The following RAD52 variants were observed in gnomAD, a reference collection of about 807,000 sequenced individuals.
RAD52 encodes the protein RAD52 DNA repair protein.
Under a neutral mutation model 55.5 loss-of-function variants are expected in RAD52, and 47 were observed. That is an observed-to-expected ratio of 0.85 (90% CI 0.67 to 1.08). The LOEUF is 1.08. Ranked by LOEUF, RAD52 falls within the 50% of genes least tolerant of loss-of-function variation. RAD52 has a pLI of 0.00. For missense variants in RAD52, 468 were observed against 522.8 expected, an observed-to-expected ratio of 0.90 and a Z score of 1.02; for synonymous variants, 184 against 198.9, an observed-to-expected ratio of 0.92 and a Z score of 0.63.
At position 965,594 on chromosome 12, in the gene RAD52, C is replaced by A. The variant is rs1958749689; in HGVS notation, c.-19+24215G>T. ...TGCCCTGATAAGAGACTGTATTTCCCTACTTTCCTTATATTTACATTTGAA... is the reference window on the plus strand; with the variant it reads ...TGCCCTGATAAGAGACTGTATTTCCATACTTTCCTTATATTTACATTTGAA... On this transcript the variant is annotated intron_variant, in intron 1 of 11. Coordinates refer to the RAD52 transcript ENST00000430095. Among the ~76,000 whole-genome samples, 5 of 152,004 alleles carry A rather than the reference C, an allele frequency of 3.3e-5. No individual in the cohort carries two copies. In the South Asian group the frequency reaches 1.0e-3, roughly 31 times the overall value.
Position 916,784 on chromosome 12 carries a change from G to C in RAD52, c.580C>G (p.Gln194Glu). The C allele has an allele frequency of 1.2e-6, 2 of 1,612,948 alleles. No individual in the cohort carries two copies. Among genetic ancestry groups the C allele is most frequent in the South Asian group, 1.1e-5 (1 of 91,062 alleles). Reference protein sequence around the residue: ...LEVDLTKAKRQDLEPSVEEAR... With the variant: ...LEVDLTKAKREDLEPSVEEAR... ...TCCTCCACAGACGGTTCAAGATCTT[G>C]TCTCTTCGCTTTAGTTAAATCCACT... The change falls in exon 8 of 12, where the codon CAA becomes GAA. Residue 194 changes from glutamine (Q) to glutamate (E), a missense_variant. Physicochemically the swap from Gln to Glu is conservative, Grantham distance 29. Transcript: ENST00000358495.
At chr12:917,203 C>T (rs1956441888) in intron 7 of RAD52, among the ~76,000 whole-genome samples, 2 of 152,222 alleles carry the variant, frequency 1.3e-5, no homozygotes, top group South Asian at 2.1e-4. Flanking sequence ...AAATCGCGCT[C>T]GTCACTGAGG....
chr12:977,060 G>GAAT (rs1958943636), intron 1 of RAD52: 1 of 152,368 alleles, frequency 6.6e-6, no homozygotes, highest in Non-Finnish European at 1.5e-5. Context: ...TTGGGAGAAT[G>GAAT]AATTTGGCTG....
In RAD52 at chr12:913,186, A is replaced by G. The variant is rs11571475; in HGVS notation, c.*205T>C. 74,028 of 584,278 alleles carry G rather than the reference A, an allele frequency of 0.13. 5,109 individuals carry two copies. The highest frequency in any genetic ancestry group is 0.17 in the South Asian group (7,925 of 46,168). The allele number at this position is 584,278 out of a possible 1,614,324, so 36.2% of individuals were successfully genotyped here. A position where few individuals can be genotyped will look rare whatever the true frequency, so the allele number is the denominator to read the frequency against. On this transcript the variant is annotated 3_prime_UTR_variant, in exon 12 of 12. Coordinates refer to ENST00000358495, the MANE Select transcript of RAD52 (RefSeq NM_134424.4). ...ATTCATCTGTCCAGAGCCTCTCCCTACTAGAGTGATGGACAAGCTTTTCAA... is the reference window on the plus strand; with the variant it reads ...ATTCATCTGTCCAGAGCCTCTCCCTGCTAGAGTGATGGACAAGCTTTTCAA...
At chr12:949,045 G>A (rs1214656745) in intron 1 of RAD52, among the ~76,000 whole-genome samples, 1 of 152,040 alleles carries the variant, frequency 6.6e-6, no homozygotes, top group Non-Finnish European at 1.5e-5. Flanking sequence ...TAAAGTGAGC[G>A]TCAAATTTTT....
At chr12:977,046 C>T (rs1958943417) in intron 1 of RAD52, 2 of 152,446 alleles carry the variant, frequency 1.3e-5, no homozygotes. Flanking sequence ...CGATCCTTGT[C>T]TTCTTGGGAG....
intron 1 of RAD52, 112 bp from the exon 2 acceptor site, chr12:933,188 G>A: frequency 1.4e-6 from 1 of 713,062 alleles, no homozygotes; most frequent in East Asian, 2.7e-5. Context: ...GCCAGGCACA[G>A]TGGCTCATGC....
chr12:917,288 G>A (rs1170090021), intron 7 of RAD52, among the ~76,000 whole-genome samples: 1 of 152,156 alleles, frequency 6.6e-6, no homozygotes, highest in African/African-American at 2.4e-5. Flanking sequence ...AGGCACGGAC[G>A]CCGGCTGCCA....
chr12:941,704 C>T (rs990457675), intron 1 of RAD52, among the ~76,000 whole-genome samples: 2 of 152,120 alleles, frequency 1.3e-5, no homozygotes, highest in South Asian at 4.1e-4. Flanking sequence ...ACTATCTCAG[C>T]TCACTGCAAC....
chr12:952,267 T>TA (rs899289106), upstream of RAD52, among the ~76,000 whole-genome samples: 4 of 152,174 alleles, frequency 2.6e-5, no homozygotes, highest in African/African-American at 7.2e-5. Context: ...CCTGGCTAAT[T>TA]AAAAAAATTT....
At chr12:927,387 A>T (rs1162265327) in intron 5 of RAD52, 124 bp from the exon 6 acceptor site, 4 of 730,718 alleles carry the variant, frequency 5.5e-6, no homozygotes, top group Admixed American at 4.0e-5. Context: ...CTACAGGGGC[A>T]CGGGCAGAAG....
At chr12:965,362 G>A (rs1013050579) in intron 1 of RAD52, among the ~76,000 whole-genome samples, 7 of 151,978 alleles carry the variant, frequency 4.6e-5, no homozygotes, top group Admixed American at 2.0e-4. Flanking sequence ...TAACAAGTAC[G>A]ACTGCTTTGT....
At position 935,797 on chromosome 12, in the gene RAD52, G is replaced by A. The variant is rs542555313; in HGVS notation, c.-18-2721C>T. On this transcript the variant is annotated intron_variant, in intron 1 of 11. Transcript: ENST00000358495. ...GAACCCGGAAGGCGGAGGTTGCAGT[G>A]AGCCGAGATTGCGCCATTGCACTCC... is the stretch of plus-strand genomic sequence containing the variant. Among the ~76,000 whole-genome samples the A allele has an allele frequency of 1.0e-3, 154 of 151,744 alleles. 1 individual carries two copies. Among genetic ancestry groups the A allele is most frequent in the Non-Finnish European group, 1.8e-3 (121 of 67,974 alleles).
rs151054383 is a variant in RAD52 at position 985,930 on chromosome 12, C to T, written c.-19+3879G>A. On this transcript the variant is annotated intron_variant, in intron 1 of 11. Transcript: ENST00000430095. Reference sequence around the variant, plus strand: ...GCTGGATTATAGGTATGAGCTAACGCACCTGGCCTTTTTTTTTTTTTGAGA... The same window carrying T: ...GCTGGATTATAGGTATGAGCTAACGTACCTGGCCTTTTTTTTTTTTTGAGA... Among the ~76,000 whole-genome samples the T allele has an allele frequency of 8.7e-4, 131 of 150,690 alleles. 1 individual carries two copies. The highest frequency in any genetic ancestry group is 1.6e-3 in the Non-Finnish European group (106 of 67,808).
intron 1 of RAD52, among the ~76,000 whole-genome samples, chr12:966,280 G>A (rs1958767366): frequency 6.6e-6 from 1 of 152,062 alleles, no homozygotes; most frequent in Admixed American, 6.5e-5. Flanking sequence ...TATGTAAATA[G>A]GGGTGTTGTA....
intron 1 of RAD52, among the ~76,000 whole-genome samples, chr12:978,214 TTC>T (rs1958959442): frequency 6.6e-6 from 1 of 152,166 alleles, no homozygotes; most frequent in Non-Finnish European, 1.5e-5. Context: ...CGGCTAATTT[TTC>T]TTTTTTTTTT....
rs751465987 is a variant in RAD52, at chr12:914,567, C to T, written c.866-35G>A. On this transcript the variant is annotated intron_variant, in intron 9 of 11. Coordinates refer to ENST00000358495, the MANE Select transcript of RAD52 (RefSeq NM_134424.4). ...ACAGAGGAGAGAAAGGACAAGTCAT[C>T]ATCACATCACTGCATGGGATTTCAG... The T allele has an allele frequency of 3.1e-6, 5 of 1,610,684 alleles. No individual in the cohort carries two copies. The East Asian group carries it at 8.9e-5, about 29-fold the overall frequency.
intron 7 of RAD52, among the ~76,000 whole-genome samples, chr12:919,009 G>GA (rs1956563028): frequency 6.6e-6 from 1 of 152,026 alleles, no homozygotes; most frequent in South Asian, 2.1e-4. Flanking sequence ...TCAAAAACAG[G>GA]AAAAAATAAT....
chr12:962,032 T>C (rs1234080373), intron 1 of RAD52, among the ~76,000 whole-genome samples: 1 of 152,160 alleles, frequency 6.6e-6, no homozygotes, highest in East Asian at 1.9e-4. Context: ...GATCTTAGAC[T>C]CTAGCCTTTA....
Sources: allele counts gnomAD v4.1 joint callset (sites outside exome capture counted in the v4.1 genomes callset), GRCh38; gene constraint gnomAD v4.1.1; transcripts MANE v1.5; gene names NCBI Gene and HGNC (gene_info 2026-07-23, HGNC 2026-07-21).